ZNF831: variants seen among roughly 807,000 people sequenced by gnomAD.
ZNF831 encodes zinc finger protein 831.
ZNF831 carries 59 observed loss-of-function variants against 95.8 expected under a neutral mutation model. The observed-to-expected ratio is 0.62, with a 90% confidence interval of 0.50 to 0.77. The LOEUF is 0.77. Ranked by LOEUF, ZNF831 falls within the 30% of genes least tolerant of loss-of-function variation. The pLI is 0.00. For missense variants in ZNF831, 2,205 were observed against 2,164.0 expected (o/e 1.02, Z -0.38); for synonymous variants, 961 against 925.5 (o/e 1.04, Z -0.70).
intron 4 of ZNF831, among the ~76,000 whole-genome samples, chr20:59,244,879 G>A (rs1318494986): frequency 6.6e-6 from 1 of 152,196 alleles, no homozygotes; most frequent in Non-Finnish European, 1.5e-5. Flanking sequence ...ATTGATGGAT[G>A]TTTATGTTGA....
intron 4 of ZNF831, among the ~76,000 whole-genome samples, chr20:59,228,866 G>A (rs565746956): frequency 9.2e-5 from 14 of 152,188 alleles, no homozygotes; most frequent in Middle Eastern, 3.4e-3. Flanking sequence ...AAATTGTCAT[G>A]TAATTTGAAT....
At chr20:59,213,752 G>A (rs1359161404) in intron 4 of ZNF831, among the ~76,000 whole-genome samples, 1 of 152,158 alleles carries the variant, frequency 6.6e-6, no homozygotes, top group East Asian at 1.9e-4. Flanking sequence ...GTTACCAGTG[G>A]GATGGCAGTG....
chr20:59,244,095 T>A (rs1359127862), intron 4 of ZNF831, among the ~76,000 whole-genome samples: 1 of 152,110 alleles, frequency 6.6e-6, no homozygotes, highest in East Asian at 1.9e-4. Context: ...TTGGAGAAAA[T>A]GGTAAGTGAA....
chr20:59,194,525 G>C lies in ZNF831; in HGVS notation c.3506G>C (p.Ser1169Thr), dbSNP rs2146600913. Residue 1169 changes from serine (S) to threonine (T), a missense_variant, in exon 2 of 6, where the codon AGC becomes ACC. By Grantham distance (58) the Ser-to-Thr change is moderately conservative (BLOSUM62 1). Transcript: ENST00000371030. ...SRSHSTRSPHSTQNPFPSLKA... is the reference protein window; with the variant it reads ...SRSHSTRSPHTTQNPFPSLKA... ...AGCCACAGCACCCGCAGTCCCCACA[G>C]CACCCAAAACCCCTTTCCCTCACTG... 1 of 1,607,816 alleles carries C rather than the reference G, an allele frequency of 6.2e-7. No individual in the cohort carries two copies. The highest frequency in any genetic ancestry group is 1.1e-5 in the South Asian group (1 of 89,904).
intron 1 of ZNF831, among the ~76,000 whole-genome samples, chr20:59,137,758 C>T (rs932567338): frequency 6.6e-6 from 1 of 152,194 alleles, no homozygotes; most frequent in African/African-American, 2.4e-5. Context: ...AGGGACCTGG[C>T]AGTGCCCATG....
chr20:59,128,550 C>G (rs1270470988), intron 1 of ZNF831, among the ~76,000 whole-genome samples: 1 of 152,178 alleles, frequency 6.6e-6, no homozygotes, highest in Non-Finnish European at 1.5e-5. Flanking sequence ...GTGGCTGAGA[C>G]AGAGCCGCAG....
At chr20:59,150,060 C>T (rs1371870963) in intron 2 of ZNF831, among the ~76,000 whole-genome samples, 3 of 152,248 alleles carry the variant, frequency 2.0e-5, no homozygotes, top group Admixed American at 2.0e-4. Context: ...AACACACATA[C>T]CCTTTGCCAC....
intron 4 of ZNF831, among the ~76,000 whole-genome samples, chr20:59,246,950 A>G (rs1987640575): frequency 6.6e-6 from 1 of 152,214 alleles, no homozygotes; most frequent in Admixed American, 6.5e-5. Flanking sequence ...TGGCATTGAC[A>G]TCCAACGTCT....
chr20:59,166,758 C>T (rs1160471071), intron 1 of ZNF831, among the ~76,000 whole-genome samples: 5 of 152,184 alleles, frequency 3.3e-5, no homozygotes, highest in South Asian at 2.1e-4. Context: ...CATGTGTCAA[C>T]GGTATGCTTC....
chr20:59,158,790 A>G (rs1980680836), intron 2 of ZNF831, among the ~76,000 whole-genome samples: 2 of 152,216 alleles, frequency 1.3e-5, no homozygotes, highest in Non-Finnish European at 2.9e-5. Flanking sequence ...TGAGATGTAC[A>G]GAAAAGCTGC....
chr20:59,239,528 T>C lies in ZNF831; in HGVS notation c.4028-13450T>C, dbSNP rs115562021. On this transcript the variant is annotated intron_variant, in intron 4 of 5. Transcript: ENST00000371030. ...TTTCATTTTACATCCTTGATTTAGT[T>C]ATTCTTTCTTTCTGTAAACACTTTT... is the stretch of plus-strand genomic sequence containing the variant. 5.5e-3 allele frequency among the ~76,000 whole-genome samples: 838 copies of C among 151,744 alleles called. 10 individuals carry two copies. Among genetic ancestry groups the C allele is most frequent in the African/African-American group, 0.019 (779 of 41,378 alleles).
chr20:59,151,899 C>T (rs1323459693), intron 2 of ZNF831, among the ~76,000 whole-genome samples: 6 of 152,116 alleles, frequency 3.9e-5, no homozygotes, highest in African/African-American at 1.4e-4. Context: ...AGGTGTACAC[C>T]AAAGGCAGGG....
At chr20:59,131,489 T>G (rs1308404196) in intron 1 of ZNF831, among the ~76,000 whole-genome samples, 1 of 152,208 alleles carries the variant, frequency 6.6e-6, no homozygotes, top group Admixed American at 6.5e-5. Context: ...TACTTACTGA[T>G]ACATGCCAGT....
At chr20:59,239,549 C>CT (rs10653584) in intron 4 of ZNF831, among the ~76,000 whole-genome samples, 54,601 of 127,376 alleles carry the variant, frequency 0.43, 12,365 homozygotes, top group South Asian at 0.63. Flanking sequence ...TCTGTAAACA[C>CT]TTTTTTTTTT....
At chr20:59,201,570 A>G (rs1476670039) in intron 3 of ZNF831, among the ~76,000 whole-genome samples, 1 of 152,158 alleles carries the variant, frequency 6.6e-6, no homozygotes, top group African/African-American at 2.4e-5. Context: ...CTTTTCTTCT[A>G]AATTTTTCTC....
At chr20:59,211,922 G>A (rs1985364356) in intron 4 of ZNF831, among the ~76,000 whole-genome samples, 1 of 152,064 alleles carries the variant, frequency 6.6e-6, no homozygotes, top group Non-Finnish European at 1.5e-5. Flanking sequence ...TGTAACTTGG[G>A]GAAACTTGGT....
At chr20:59,163,017 G>GTA (rs1298288798), upstream of ZNF831, among the ~76,000 whole-genome samples, 25 of 94,058 alleles carry the variant, frequency 2.7e-4, no homozygotes, top group African/African-American at 1.3e-3. Context: ...ATTCCTAGGT[G>GTA]TGTGTGTGTG....
In ZNF831 at chr20:59,192,480, C is replaced by T. The variant is rs1399916689; in HGVS notation, c.1461C>T (p.Ser487=). 2 of 1,581,106 alleles carry T rather than the reference C, an allele frequency of 1.3e-6. No individual in the cohort carries two copies. Among genetic ancestry groups the T allele is most frequent in the African/African-American group, 1.4e-5 (1 of 74,060 alleles). Reference sequence around the variant, plus strand: ...AGTCTCGGCCCCTCTTCTTCCACTCCGTCCCCACTCAGCTCTCCACCACCG... The same window carrying T: ...AGTCTCGGCCCCTCTTCTTCCACTCTGTCCCCACTCAGCTCTCCACCACCG... ...PDKSRPLFFH[S]VPTQLSTTVE... The change falls in exon 2 of 6, where the codon TCC becomes TCT. Residue 487 remains serine (S), a synonymous_variant. Coordinates refer to ENST00000371030, the MANE Select transcript of ZNF831 (RefSeq NM_178457.3). This position sits in a 1 kb window ranked among gnomAD's most constrained non-coding sequence, Gnocchi z 5.2.
rs749472461 is a variant in ZNF831, at chr20:59,191,705, G to T, written c.686G>T (p.Arg229Met). 6.4e-7 allele frequency: 1 copy of T among 1,568,508 alleles called. No individual in the cohort carries two copies. Among genetic ancestry groups the T allele is most frequent in the East Asian group, 2.3e-5 (1 of 44,442 alleles). ...KAGEPPRPEG[R>M]GESRCQGMHE... ...GGAGAGCCCCCCAGACCAGAGGGCA[G>T]GGGCGAGAGCAGGTGCCAGGGGATG... Residue 229 changes from arginine to methionine, a missense_variant, in exon 2 of 6, where the codon AGG becomes ATG. Coordinates refer to ENST00000371030, the MANE Select transcript of ZNF831 (RefSeq NM_178457.3).
Sources: allele counts gnomAD v4.1 joint callset (sites outside exome capture counted in the v4.1 genomes callset), GRCh38; gene constraint gnomAD v4.1.1; non-coding constraint Gnocchi (gnomAD v3.1); transcripts MANE v1.5; gene names NCBI Gene and HGNC (gene_info 2026-07-23, HGNC 2026-07-21).